The following CMIP variants were observed in gnomAD, a reference collection of about 807,000 sequenced individuals.
The protein encoded by CMIP is c-Maf inducing protein.
CMIP carries 13 observed loss-of-function variants against 97.3 expected under a neutral mutation model. The ratio of observed to expected loss-of-function variants is 0.13; its 90% CI spans 0.09 to 0.21. CMIP has a LOEUF of 0.21. Among genes scored for constraint, CMIP ranks in the 10% least tolerant of loss-of-function variants. The probability of loss-of-function intolerance (pLI) is 1.00; values close to 1 mark genes in which losing one functional copy is unlikely to be tolerated. For synonymous variants in CMIP, 538 were observed against 436.3 expected (o/e 1.23, Z -2.91); for missense variants, 847 against 1,024.9 (o/e 0.83, Z 2.37).
intron 3 of CMIP, among the ~76,000 whole-genome samples, chr16:81,626,264 A>G (rs2092061002): frequency 6.6e-6 from 1 of 151,222 alleles, no homozygotes; most frequent in Admixed American, 6.6e-5. Context: ...TGTGAGAGCG[A>G]GAGTGACTGA....
rs372565878 is a variant in CMIP at position 81,641,323 on chromosome 16, G to A, written c.478-10880G>A. ...ACACCGAGAGCACCTTCCCTGGGTG[G>A]CTGCAGTCACCATCCAACACATCGG... On this transcript the variant is annotated intron_variant, in intron 3 of 20. Coordinates refer to ENST00000537098, the MANE Select transcript of CMIP (RefSeq NM_198390.3). Among the ~76,000 whole-genome samples the A allele has an allele frequency of 5.0e-4, 76 of 152,076 alleles. 1 individual carries two copies. The South Asian group carries it at 0.013, about 26-fold the overall frequency.
chr16:81,662,094 C>T (rs2092553331), intron 6 of CMIP, among the ~76,000 whole-genome samples: 1 of 152,140 alleles, frequency 6.6e-6, no homozygotes, highest in Non-Finnish European at 1.5e-5. Context: ...GGGTATCATG[C>T]CCCCAGAAGA....
chr16:81,679,883 G>GC (rs888719045), intron 10 of CMIP, among the ~76,000 whole-genome samples: 3 of 152,048 alleles, frequency 2.0e-5, no homozygotes, highest in East Asian at 1.9e-4. Flanking sequence ...GTTCCCTTCT[G>GC]CCCCCCACAG....
chr16:81,559,986 A>G (rs751842235), intron 1 of CMIP, among the ~76,000 whole-genome samples: 105 of 151,828 alleles, frequency 6.9e-4, no homozygotes, highest in East Asian at 1.2e-3. Context: ...CATGTCTACC[A>G]AAAATACAAA....
chr16:81,538,949 A>C (rs1476947661), intron 1 of CMIP, among the ~76,000 whole-genome samples: 1 of 152,206 alleles, frequency 6.6e-6, no homozygotes, highest in Non-Finnish European at 1.5e-5. Context: ...TGATCTACTA[A>C]GGTTGATATA....
At chr16:81,548,902 G>T (rs765879823) in intron 1 of CMIP, among the ~76,000 whole-genome samples, 2 of 152,140 alleles carry the variant, frequency 1.3e-5, no homozygotes, top group African/African-American at 4.8e-5. Context: ...AATGCCCCCC[G>T]TTGGGAACCA....
intron 1 of CMIP, among the ~76,000 whole-genome samples, chr16:81,501,715 A>G (rs1223042202): frequency 6.7e-6 from 1 of 149,866 alleles, no homozygotes; most frequent in African/African-American, 2.5e-5. Context: ...AGGTTCTCGC[A>G]ATTCTCCTGC....
intron 1 of CMIP, among the ~76,000 whole-genome samples, chr16:81,476,885 G>C (rs1020443789): frequency 2.0e-5 from 3 of 152,056 alleles, no homozygotes; most frequent in Non-Finnish European, 4.4e-5. Context: ...GCCAAGTTCA[G>C]CTTCTCAGGC....
intron 1 of CMIP, among the ~76,000 whole-genome samples, chr16:81,500,049 G>C (rs2089568067): frequency 1.3e-5 from 2 of 151,988 alleles, no homozygotes; most frequent in African/African-American, 4.8e-5. Context: ...CAGTCTCCCT[G>C]GGGCAATCGG....
chr16:81,538,142 A>G (rs1419939937), intron 1 of CMIP, among the ~76,000 whole-genome samples: 5 of 152,194 alleles, frequency 3.3e-5, no homozygotes, highest in Non-Finnish European at 7.3e-5. Context: ...GGGGGAACTG[A>G]GGCTCAGGCA....
chr16:81,691,422 G>A (rs1567665720), intron 10 of CMIP, among the ~76,000 whole-genome samples: 9 of 152,230 alleles, frequency 5.9e-5, no homozygotes, highest in Admixed American at 5.9e-4. Flanking sequence ...CAGAGCTTCA[G>A]TATATGAATG....
In CMIP at chr16:81,693,175, A is replaced by G. The variant is rs1384056902; in HGVS notation, c.1472A>G (p.Lys491Arg). 1.9e-6 allele frequency: 3 copies of G among 1,613,140 alleles called. No homozygotes were observed. The highest frequency in any genetic ancestry group is 1.7e-5 in the Admixed American group (1 of 59,978). The change falls in exon 12 of 21, where the codon AAG (lysine) becomes AGG (arginine). Residue 491 changes from lysine to arginine, a missense_variant. Lys to Arg is a conservative substitution (Grantham distance 26). Coordinates refer to ENST00000537098, the MANE Select transcript of CMIP (RefSeq NM_198390.3). ...TGTTGCAGAGCTCTCGCACATGAGAAGTTCACCAAGTGAGTGTCTGGGCAC... is the reference window on the plus strand; with the variant it reads ...TGTTGCAGAGCTCTCGCACATGAGAGGTTCACCAAGTGAGTGTCTGGGCAC... ...PFPKEALAHE[K>R]FTKELKYVIQ... is the part of the protein sequence containing the mutation.
At chr16:81,462,588 G>T (rs1340687285) in intron 1 of CMIP, among the ~76,000 whole-genome samples, 2 of 152,196 alleles carry the variant, frequency 1.3e-5, no homozygotes, top group East Asian at 3.8e-4. Context: ...TGTGGGGCTG[G>T]TCCCTGCAGC....
chr16:81,532,000 C>T (rs2090245838), intron 1 of CMIP, among the ~76,000 whole-genome samples: 1 of 152,204 alleles, frequency 6.6e-6, no homozygotes, highest in South Asian at 2.1e-4. Flanking sequence ...TGATAGCTTC[C>T]ATTTCATGGC....
At chr16:81,480,238 A>G (rs189323249) in intron 1 of CMIP, among the ~76,000 whole-genome samples, 2 of 152,324 alleles carry the variant, frequency 1.3e-5, no homozygotes, top group Non-Finnish European at 2.9e-5. Context: ...AAGCTCTCTC[A>G]GCTTCAAATC....
intron 1 of CMIP, among the ~76,000 whole-genome samples, chr16:81,550,965 C>T (rs1364732368): frequency 2.8e-5 from 4 of 144,904 alleles, no homozygotes; most frequent in Non-Finnish European, 6.0e-5. Context: ...CCAGTCCCGT[C>T]ACACGCACCC....
intron 1 of CMIP, among the ~76,000 whole-genome samples, chr16:81,605,685 G>A (rs889591053): frequency 6.6e-6 from 1 of 152,198 alleles, no homozygotes; most frequent in Non-Finnish European, 1.5e-5. Context: ...CGTGGGGTCT[G>A]TGACACTCTT....
chr16:81,487,755 T>C (rs569674714), intron 1 of CMIP, among the ~76,000 whole-genome samples: 23 of 152,302 alleles, frequency 1.5e-4, no homozygotes, highest in African/African-American at 5.3e-4. Context: ...AAAAAACCCA[T>C]GCAAAGTGTT....
At chr16:81,588,575 C>T (rs1054650334) in intron 1 of CMIP, among the ~76,000 whole-genome samples, 1 of 152,160 alleles carries the variant, frequency 6.6e-6, no homozygotes, top group South Asian at 2.1e-4. Context: ...TCTGAAATGA[C>T]ATGGCCATGG....
Sources: allele counts gnomAD v4.1 joint callset (sites outside exome capture counted in the v4.1 genomes callset), GRCh38; gene constraint gnomAD v4.1.1; transcripts MANE v1.5; gene names NCBI Gene and HGNC (gene_info 2026-07-23, HGNC 2026-07-21).